Variants in OXR1 observed in about 807,000 individuals in gnomAD.
The protein encoded by OXR1 is oxidation resistance protein 1.
In OXR1, 41 loss-of-function variants were observed where a neutral mutation model predicts 104.6. The observed-to-expected ratio is 0.39, with a 90% CI of 0.31 to 0.51. The LOEUF (loss-of-function observed/expected upper bound fraction) is 0.51. OXR1 is among the 20% of genes least tolerant of loss of function. OXR1 has a pLI of 0.77. For synonymous variants in OXR1, 348 were observed against 348.4 expected (o/e 1.00, Z 0.01); for missense variants, 955 against 1,031.9 (o/e 0.93, Z 1.02).
intron 2 of OXR1, among the ~76,000 whole-genome samples, chr8:106,375,739 G>A (rs749548811): frequency 6.6e-6 from 1 of 152,212 alleles, no homozygotes; most frequent in African/African-American, 2.4e-5. Flanking sequence ...CAGAGAGTGT[G>A]TATACAATAT....
intron 2 of OXR1, among the ~76,000 whole-genome samples, chr8:106,458,564 A>G (rs906650528): frequency 2.0e-5 from 3 of 152,130 alleles, no homozygotes; most frequent in African/African-American, 7.2e-5. Context: ...TAGTGGAGCC[A>G]TGAGAGTGGG....
At chr8:106,530,447 G>A (rs907638467) in intron 3 of OXR1, among the ~76,000 whole-genome samples, 3 of 151,956 alleles carry the variant, frequency 2.0e-5, no homozygotes, top group African/African-American at 4.8e-5. Context: ...GTGCATAACC[G>A]TACCGAGTCA....
chr8:106,293,504 A>G (rs62526142), intron 1 of OXR1, among the ~76,000 whole-genome samples: 2,852 of 152,344 alleles, frequency 0.019, 42 homozygotes, highest in Non-Finnish European at 0.027. Flanking sequence ...CTGCACACAG[A>G]TAAGTTATAA....
At position 106,680,420 on chromosome 8, in the gene OXR1, A is replaced by G. The variant is rs368271568; in HGVS notation, c.303+1128A>G. Among the ~76,000 whole-genome samples the G allele has an allele frequency of 5.8e-4, 89 of 152,312 alleles. 1 individual carries two copies. Among genetic ancestry groups the G allele is most frequent in the African/African-American group, 1.9e-3 (81 of 41,578 alleles). ...GTTTATTGTGTTTCTTCAGCCTAAG[A>G]AATCATGTCACTCATAAATTCTAGA... On this transcript the variant is annotated intron_variant, in intron 4 of 16. Coordinates refer to ENST00000517566, the MANE Select transcript of OXR1 (RefSeq NM_001198533.2).
At chr8:106,363,376 T>C (rs976455844) in intron 2 of OXR1, among the ~76,000 whole-genome samples, 3 of 152,170 alleles carry the variant, frequency 2.0e-5, no homozygotes, top group East Asian at 3.9e-4. Flanking sequence ...AAATGACTTA[T>C]TTTTCAGAAA....
rs574239860 is a variant in OXR1 at position 106,466,888 on chromosome 8, ATATTT to A, written c.24-52053_24-52049del. 7.9e-5 allele frequency among the ~76,000 whole-genome samples: 12 copies of A among 152,034 alleles called. No individual in the cohort carries two copies. The South Asian group carries it at 2.3e-3, about 29-fold the overall frequency. ...AACTTATACTATTGATGGCTAATAG[ATATTT>A]TTATTTGATATTGTACAGCTGATAA... On this transcript the variant is annotated intron_variant, in intron 2 of 16. Coordinates refer to ENST00000517566, the MANE Select transcript of OXR1 (RefSeq NM_001198533.2).
chr8:106,291,967 G>A (rs951304540), intron 1 of OXR1, among the ~76,000 whole-genome samples: 5 of 152,102 alleles, frequency 3.3e-5, no homozygotes, highest in African/African-American at 7.2e-5. Flanking sequence ...CCCACAACAC[G>A]TGGGGATTAT....
chr8:106,434,247 A>C (rs1177775228), intron 2 of OXR1, among the ~76,000 whole-genome samples: 1 of 152,168 alleles, frequency 6.6e-6, no homozygotes, highest in African/African-American at 2.4e-5. Flanking sequence ...CATTTGAATT[A>C]CTGTGGCCCC....
At chr8:106,733,400 C>T (rs571739266) in intron 11 of OXR1, among the ~76,000 whole-genome samples, 1 of 152,176 alleles carries the variant, frequency 6.6e-6, no homozygotes, top group Non-Finnish European at 1.5e-5. Context: ...TTTTATTGAC[C>T]TTCTGAAAGA....
At chr8:106,721,980 G>A (rs1563746177) in intron 11 of OXR1, among the ~76,000 whole-genome samples, 1 of 152,066 alleles carries the variant, frequency 6.6e-6, no homozygotes, top group Non-Finnish European at 1.5e-5. Flanking sequence ...TCATTCATTA[G>A]GTTTCCCAGA....
At chr8:106,504,345 A>T (rs1370790472) in intron 2 of OXR1, among the ~76,000 whole-genome samples, 1 of 152,198 alleles carries the variant, frequency 6.6e-6, no homozygotes. Context: ...AGAGCAACTA[A>T]GTGTTTCTGA....
At chr8:106,707,181 A>G (rs762227869) in intron 9 of OXR1, 36 bp downstream of exon 9, 3 of 1,588,554 alleles carry the variant, frequency 1.9e-6, no homozygotes, top group South Asian at 2.2e-5. Flanking sequence ...TAGTTCATCC[A>G]ATTGTATGGT....
chr8:106,574,426 T>G (rs147809407), intron 3 of OXR1, among the ~76,000 whole-genome samples: 2 of 152,344 alleles, frequency 1.3e-5, no homozygotes, highest in Non-Finnish European at 2.9e-5. Context: ...CACAGAACCC[T>G]CCTTGTAGAA....
chr8:106,338,096 C>G (rs1413596572), intron 1 of OXR1, among the ~76,000 whole-genome samples: 1 of 152,134 alleles, frequency 6.6e-6, no homozygotes, highest in African/African-American at 2.4e-5. Flanking sequence ...AGCTCCTGTT[C>G]TGGGCCCCAA....
intron 3 of OXR1, among the ~76,000 whole-genome samples, chr8:106,527,100 A>C (rs1030477977): frequency 1.1e-4 from 16 of 152,190 alleles, no homozygotes; most frequent in African/African-American, 3.1e-4. Context: ...AGTAGTTAGA[A>C]TCTCAAATCC....
intron 3 of OXR1, among the ~76,000 whole-genome samples, chr8:106,519,440 A>G (rs1813096991): frequency 6.6e-6 from 1 of 152,056 alleles, no homozygotes; most frequent in African/African-American, 2.4e-5. Flanking sequence ...TAGGTTTTTC[A>G]ATTTTTAACT....
intron 2 of OXR1, among the ~76,000 whole-genome samples, chr8:106,505,843 C>T (rs982012868): frequency 6.6e-6 from 1 of 152,194 alleles, no homozygotes; most frequent in East Asian, 1.9e-4. Context: ...CATCCAACCA[C>T]AGTGGAAAGC....
chr8:106,658,432 C>A (rs554182776), intron 3 of OXR1, among the ~76,000 whole-genome samples: 29 of 152,320 alleles, frequency 1.9e-4, no homozygotes, highest in African/African-American at 7.0e-4. Flanking sequence ...CTTTCCTCAC[C>A]TAGACTTGAT....
At chr8:106,495,029 G>A (rs909099980) in intron 2 of OXR1, among the ~76,000 whole-genome samples, 1 of 152,126 alleles carries the variant, frequency 6.6e-6, no homozygotes, top group Non-Finnish European at 1.5e-5. Flanking sequence ...GGGTAGTGGA[G>A]CTGATAGCCG....
Sources: allele counts gnomAD v4.1 joint callset (sites outside exome capture counted in the v4.1 genomes callset), GRCh38; gene constraint gnomAD v4.1.1; transcripts MANE v1.5; gene names NCBI Gene and HGNC (gene_info 2026-07-23, HGNC 2026-07-21).